RPIA: variants seen among roughly 807,000 people sequenced by gnomAD.
RPIA encodes the protein ribose 5-phosphate isomerase A, also known as ribose-5-phosphate isomerase.
RPIA carries 29 observed loss-of-function variants against 37.8 expected under a neutral mutation model. That is an observed-to-expected ratio of 0.77 (90% CI 0.57 to 1.05). The LOEUF (loss-of-function observed/expected upper bound fraction) is 1.05. RPIA is among the 50% of genes least tolerant of loss of function. The pLI, the probability that RPIA is intolerant of heterozygous loss-of-function variation, is 0.00. For missense variants in RPIA, 385 were observed against 413.6 expected (o/e 0.93, Z 0.60); for synonymous variants, 167 against 157.0 (o/e 1.06, Z -0.48).
intron 8 of RPIA, among the ~76,000 whole-genome samples, chr2:88,745,124 A>T (rs1673425218): frequency 6.6e-6 from 1 of 151,820 alleles, no homozygotes; most frequent in Non-Finnish European, 1.5e-5. Context: ...TGACTGGCTA[A>T]TTTTTTTGTG....
At chr2:88,723,733 G>A (rs963446467) in intron 3 of RPIA, among the ~76,000 whole-genome samples, 34 of 152,150 alleles carry the variant, frequency 2.2e-4, no homozygotes, top group Non-Finnish European at 3.7e-4. Context: ...TGCCAAAGTT[G>A]AGGACACGTG....
chr2:88,741,378 A>T (rs938978036), intron 8 of RPIA, among the ~76,000 whole-genome samples: 2 of 152,184 alleles, frequency 1.3e-5, no homozygotes, highest in African/African-American at 4.8e-5. Flanking sequence ...GGTTGCTGTG[A>T]ATGCCATTAT....
chr2:88,707,937 C>T (rs984015765), intron 3 of RPIA, among the ~76,000 whole-genome samples: 1 of 152,100 alleles, frequency 6.6e-6, no homozygotes, highest in Non-Finnish European at 1.5e-5. Flanking sequence ...CATGGGCTAT[C>T]GGAACATTGG....
chr2:88,738,148 A>G (rs1262711849), intron 8 of RPIA, 72 bp downstream of exon 8: 5 of 1,054,754 alleles, frequency 4.7e-6, no homozygotes, highest in Non-Finnish European at 7.4e-6. Flanking sequence ...ATCTGGCCAC[A>G]GAAGGCACAA....
chr2:88,713,972 T>C (rs554829034), intron 3 of RPIA, among the ~76,000 whole-genome samples: 1 of 152,090 alleles, frequency 6.6e-6, no homozygotes, highest in Non-Finnish European at 1.5e-5. Context: ...AAGGGACTTC[T>C]TCTTGTACAG....
intron 3 of RPIA, among the ~76,000 whole-genome samples, chr2:88,720,723 T>A (rs1009564214): frequency 3.3e-5 from 5 of 151,986 alleles, no homozygotes; most frequent in African/African-American, 1.2e-4. Flanking sequence ...CAACAGATGC[T>A]GGAGAGGATG....
At position 88,704,259 on chromosome 2, in the gene RPIA, G is replaced by A. The variant is rs868626234; in HGVS notation, c.402+4195G>A. Among the ~76,000 whole-genome samples, 2 of 152,142 alleles carry A rather than the reference G, an allele frequency of 1.3e-5. 1 individual carries two copies. The highest frequency in any genetic ancestry group is 6.3e-3 in the Middle Eastern group (2 of 316). ...CACTCTGCTGGTACCAACATACTGT[G>A]TTAGTCTGTTTTCACGCAGCTGATA... On this transcript the variant is annotated intron_variant, in intron 3 of 8. Transcript: ENST00000283646.
At chr2:88,729,166 T>C in intron 3 of RPIA, 112 bp from the exon 4 acceptor site, 1 of 1,127,454 alleles carries the variant, frequency 8.9e-7, no homozygotes, top group Non-Finnish European at 1.3e-6. Flanking sequence ...CATGCTGGGC[T>C]TTGGGAGAGA....
At chr2:88,738,356 C>G (rs1014913222) in intron 8 of RPIA, among the ~76,000 whole-genome samples, 1 of 152,182 alleles carries the variant, frequency 6.6e-6, no homozygotes, top group African/African-American at 2.4e-5. Context: ...AGGGGACTTG[C>G]CTTGAAATAA....
chr2:88,698,672 A>C (rs1672789324), intron 2 of RPIA, 128 bp downstream of exon 2: 1 of 845,034 alleles, frequency 1.2e-6, no homozygotes, highest in Admixed American at 1.7e-5. Context: ...AGCTGGAGAG[A>C]GGGACTACCT....
At chr2:88,742,427 T>G (rs1673393340) in intron 8 of RPIA, among the ~76,000 whole-genome samples, 2 of 152,238 alleles carry the variant, frequency 1.3e-5, no homozygotes, top group Admixed American at 6.5e-5. Context: ...TTTATACCAG[T>G]ACCATGCTGT....
At chr2:88,720,565 C>A (rs1047363558) in intron 3 of RPIA, among the ~76,000 whole-genome samples, 10 of 150,252 alleles carry the variant, frequency 6.7e-5, no homozygotes, top group Non-Finnish European at 1.3e-4. Flanking sequence ...ACTTCTAAAA[C>A]AAAATTAAAA....
chr2:88,691,852 C>T lies in RPIA; in HGVS notation c.154C>T (p.Arg52Cys), dbSNP rs962744633. 37 of 1,595,650 alleles carry T rather than the reference C, an allele frequency of 2.3e-5. 1 individual carries two copies. Among genetic ancestry groups the T allele is most frequent in the South Asian group, 4.5e-5 (4 of 88,432 alleles). ...RLPGRAQSGT[R>C]GGAGNTSTSC... Reference sequence around the variant, plus strand: ...GCCGGGGCGTGCACAGTCTGGGACCCGTGGCGGTGCTGGCAACACAAGCAC... The same window carrying T: ...GCCGGGGCGTGCACAGTCTGGGACCTGTGGCGGTGCTGGCAACACAAGCAC... The change falls in exon 1 of 9, where the codon CGT (arginine) becomes TGT (cysteine). Residue 52 changes from arginine (R) to cysteine (C), a missense_variant. By Grantham distance (180) the Arg-to-Cys change is radical. Coordinates refer to ENST00000283646, the MANE Select transcript of RPIA (RefSeq NM_144563.3).
At chr2:88,729,226 T>C in intron 3 of RPIA, 52 bp from the exon 4 acceptor site, 1 of 1,584,840 alleles carries the variant, frequency 6.3e-7, no homozygotes. Context: ...CTGAGAATCC[T>C]TGTCATGAAC....
chr2:88,691,755 C>G lies in RPIA; in HGVS notation c.57C>G (p.Pro19=). ...ACGGGCGGGTCTTGGCCCCGCTGCC[C>G]GGGAGGGCCGGGGGCGCGGCCTCCG... The part of the protein sequence containing the change: ...TLYGRVLAPL[P]GRAGGAASGG... The change falls in exon 1 of 9, where the codon CCC becomes CCG. Residue 19 remains proline, a synonymous_variant. Coordinates refer to ENST00000283646, the MANE Select transcript of RPIA (RefSeq NM_144563.3). 1 of 1,594,530 alleles carries G rather than the reference C, an allele frequency of 6.3e-7. No homozygotes were observed. Among genetic ancestry groups the G allele is most frequent in the Non-Finnish European group, 8.5e-7 (1 of 1,175,024 alleles).
chr2:88,734,837 C>G (rs532903159), intron 5 of RPIA, among the ~76,000 whole-genome samples: 2 of 152,138 alleles, frequency 1.3e-5, no homozygotes, highest in Non-Finnish European at 2.9e-5. Flanking sequence ...GATCATTCAT[C>G]GTAATGGATT....
Position 88,692,001 on chromosome 2 carries a change from TG to T in RPIA, c.285+22del. 1 of 1,572,408 alleles carries T rather than the reference TG, an allele frequency of 6.4e-7. No individual in the cohort carries two copies. The highest frequency in any genetic ancestry group is 8.6e-7 in the Non-Finnish European group (1 of 1,161,068). On this transcript the variant is annotated intron_variant, in intron 1 of 8. Coordinates refer to ENST00000283646, the MANE Select transcript of RPIA (RefSeq NM_144563.3). ...ACGTGAGGGTGAGCACTTCGAAACG[TG>T]GGGCGCGGGGCGCATGTCCTTGGCG... is the stretch of plus-strand genomic sequence containing the variant.
intron 3 of RPIA, among the ~76,000 whole-genome samples, chr2:88,721,681 G>A (rs554221046): frequency 7.5e-5 from 11 of 146,496 alleles, no homozygotes; most frequent in Non-Finnish European, 1.3e-4. Flanking sequence ...AAAATGTGGT[G>A]CATATACACC....
At position 88,710,216 on chromosome 2, in the gene RPIA, A is replaced by C. The variant is rs1431935528; in HGVS notation, c.402+10152A>C. Among the ~76,000 whole-genome samples the C allele has an allele frequency of 9.2e-5, 14 of 152,038 alleles. No homozygotes were observed. The East Asian group carries it at 2.7e-3, about 29-fold the overall frequency. On this transcript the variant is annotated intron_variant, in intron 3 of 8. Transcript: ENST00000283646. ...TGCATGCCACCATGCCTAGCTTTTTAAAAATTTTTTGTAGAGACGATGTCT... is the reference window on the plus strand; with the variant it reads ...TGCATGCCACCATGCCTAGCTTTTTCAAAATTTTTTGTAGAGACGATGTCT...
Sources: allele counts gnomAD v4.1 joint callset (sites outside exome capture counted in the v4.1 genomes callset), GRCh38; gene constraint gnomAD v4.1.1; transcripts MANE v1.5; gene names NCBI Gene and HGNC (gene_info 2026-07-23, HGNC 2026-07-21).